GFUS: variants seen among roughly 807,000 people sequenced by gnomAD.
GFUS encodes GDP-L-fucose synthase.
Under a neutral mutation model 41.5 loss-of-function variants are expected in GFUS, and 42 were observed. That is an observed-to-expected ratio of 1.01 (90% CI 0.79 to 1.31). GFUS has a LOEUF of 1.31. Ranked by LOEUF, GFUS falls within the 50% of genes most tolerant of loss-of-function variation. The pLI is 0.00. For missense variants in GFUS, 437 were observed against 428.7 expected, an observed-to-expected ratio of 1.02 and a Z score of -0.17; for synonymous variants, 188 against 173.4, an observed-to-expected ratio of 1.08 and a Z score of -0.66.
chr8:143,615,137 TGAG>T (rs925752803), intron 3 of GFUS, among the ~76,000 whole-genome samples: 1 of 152,004 alleles, frequency 6.6e-6, no homozygotes, highest in Admixed American at 6.5e-5. Flanking sequence ...CCTTCCACTA[TGAG>T]GAGAACCACA....
Position 143,613,790 on chromosome 8 carries a change from G to A in GFUS, c.691C>T (p.Leu231=). The A allele has an allele frequency of 1.3e-6, 2 of 1,550,934 alleles. No homozygotes were observed. The highest frequency in any genetic ancestry group is 1.7e-6 in the Non-Finnish European group (2 of 1,147,010). ...GGCTCCACTTCATTGTACTCCCGCA[G>A]GACCCAGATAAAGAGCTGGGCCAGG... ...LDLAQLFIWV[L]REYNEVEPII... is the part of the protein sequence containing the mutation. Residue 231 remains leucine (L), a synonymous_variant, in exon 8 of 11, where the codon CTG becomes TTG. Transcript: ENST00000425753.
chr8:143,614,843 A>G lies in GFUS; in HGVS notation c.334T>C (p.Cys112Arg). ...TCAGGGAAGATACAGGTGGACAGGC[A>G]GGACACCACCTTGCGGGCGCCCACC... ...FEVGARKVVSCLSTCIFPDKT... is the reference protein window; with the variant it reads ...FEVGARKVVSRLSTCIFPDKT... Residue 112 changes from cysteine to arginine, a missense_variant, in exon 4 of 11, where the codon TGC (cysteine) becomes CGC (arginine). By Grantham distance (180) the Cys-to-Arg change is radical. Transcript: ENST00000425753. The G allele has an allele frequency of 6.2e-7, 1 of 1,613,786 alleles. No individual in the cohort carries two copies. The highest frequency in any genetic ancestry group is 8.5e-7 in the Non-Finnish European group (1 of 1,179,988).
At chr8:143,613,483 G>A (rs1829631913) in intron 9 of GFUS, 41 bp downstream of exon 9, 1 of 1,601,300 alleles carries the variant, frequency 6.2e-7, no homozygotes, top group South Asian at 1.1e-5. Context: ...GCCCGCCCAA[G>A]GGGCCCCCGC....
chr8:143,616,752 G>A (rs374740077), intron 1 of GFUS, 29 bp from the exon 2 acceptor site: 12 of 1,612,798 alleles, frequency 7.4e-6, no homozygotes, highest in African/African-American at 4.0e-5. Context: ...GGAGGCTGAG[G>A]TCATCACGCT....
intron 2 of GFUS, 96 bp from the exon 3 acceptor site, chr8:143,616,316 G>A (rs1465070939): frequency 3.8e-6 from 5 of 1,312,810 alleles, no homozygotes; most frequent in African/African-American, 2.9e-5. Context: ...TGGCAGGAGG[G>A]ACAGTCAAAA....
chr8:143,616,889 TC>T, intron 1 of GFUS, 166 bp from the exon 2 acceptor site: 1 of 785,374 alleles, frequency 1.3e-6, no homozygotes, highest in East Asian at 2.7e-5. Context: ...GCAGCCCTGT[TC>T]CCCTGGGAGC....
Position 143,612,934 on chromosome 8 carries a change from G to T in GFUS, c.942C>A (p.Asp314Glu). The T allele has an allele frequency of 6.2e-7, 1 of 1,610,656 alleles. No homozygotes were observed. Among genetic ancestry groups the T allele is most frequent in the South Asian group, 1.1e-5 (1 of 90,526 alleles). ...AVKETCAWFT[D>E]NYEQARK ...TTCACTTCCGGGCCTGCTCGTAGTT[G>T]TCAGTGAACCAAGCACAGGTCTCCT... is the stretch of plus-strand genomic sequence containing the variant. The change falls in exon 11 of 11, where the codon GAC becomes GAA. Residue 314 changes from aspartate to glutamate, a missense_variant. Asp to Glu is a conservative substitution (Grantham distance 45). Coordinates refer to ENST00000425753, the MANE Select transcript of GFUS (RefSeq NM_003313.4).
At chr8:143,615,595 C>T (rs1363341056) in intron 3 of GFUS, among the ~76,000 whole-genome samples, 5 of 152,200 alleles carry the variant, frequency 3.3e-5, no homozygotes, top group Non-Finnish European at 7.4e-5. Context: ...TGCCCAGTGA[C>T]TGGTGGGGCC....
intron 2 of GFUS, 78 bp from the exon 3 acceptor site, chr8:143,616,298 T>C: frequency 7.2e-7 from 1 of 1,396,744 alleles, no homozygotes; most frequent in South Asian, 1.2e-5. Context: ...AGGAACTGGG[T>C]GGGACTATGG....
intron 2 of GFUS, 90 bp from the exon 3 acceptor site, chr8:143,616,310 AG>A: frequency 7.5e-7 from 1 of 1,329,088 alleles, no homozygotes; most frequent in South Asian, 1.2e-5. Flanking sequence ...GGACTATGGC[AG>A]GAGGGACAGT....
chr8:143,614,075 T>A, intron 7 of GFUS, 89 bp downstream of exon 7: 1 of 1,555,538 alleles, frequency 6.4e-7, no homozygotes, highest in East Asian at 2.3e-5. Context: ...GCCTCCCTCC[T>A]GCACCACCTC....
chr8:143,616,694 A>G lies in GFUS; in HGVS notation c.19T>C (p.Ser7Pro). Reference protein sequence around the residue: MGEPQGSMRILVTGGSG... With the variant: MGEPQGPMRILVTGGSG... Reference sequence around the variant, plus strand: ...CCCCCTGTCACTAGAATCCGCATGGATCCCTGGGGTTCACCCATGTCAGTT... The same window carrying G: ...CCCCCTGTCACTAGAATCCGCATGGGTCCCTGGGGTTCACCCATGTCAGTT... The change falls in exon 2 of 11, where the codon TCC (serine) becomes CCC (proline). Residue 7 changes from serine (S) to proline (P), a missense_variant. Coordinates refer to ENST00000425753, the MANE Select transcript of GFUS (RefSeq NM_003313.4). The G allele has an allele frequency of 6.2e-7, 1 of 1,613,524 alleles. No individual in the cohort carries two copies. The highest frequency in any genetic ancestry group is 8.5e-7 in the Non-Finnish European group (1 of 1,179,966).
At chr8:143,615,934 G>A (rs1172995997) in intron 3 of GFUS, 172 bp downstream of exon 3, 2 of 593,282 alleles carry the variant, frequency 3.4e-6, no homozygotes, top group East Asian at 5.8e-5. Context: ...AGCACCAAGT[G>A]TGAGTGACTG....
At position 143,614,835 on chromosome 8, in the gene GFUS, G is replaced by A. The variant is rs776553358; in HGVS notation, c.342C>T (p.Ser114=). The A allele has an allele frequency of 1.2e-6, 2 of 1,613,674 alleles. No individual in the cohort carries two copies. The highest frequency in any genetic ancestry group is 1.3e-5 in the African/African-American group (1 of 74,928). The part of the protein sequence containing the change: ...VGARKVVSCL[S]TCIFPDKTTY... The stretch of plus-strand genomic sequence containing the variant: ...TCGTCTTGTCAGGGAAGATACAGGT[G>A]GACAGGCAGGACACCACCTTGCGGG... The change falls in exon 4 of 11, where the codon TCC becomes TCT. Residue 114 remains serine (S), a synonymous_variant. Transcript: ENST00000425753.
chr8:143,616,091 GCCAC>G lies in GFUS; in HGVS notation c.261+11_261+14del. On this transcript the variant is annotated intron_variant, in intron 3 of 10. Transcript: ENST00000425753. ...ATCCTGGTTTCCAGTGCTTGCTGGG[GCCAC>G]CCTCACTTACCCAGAAGTCCAAATT... 1 of 1,552,872 alleles carries G rather than the reference GCCAC, an allele frequency of 6.4e-7. No individual in the cohort carries two copies. Among genetic ancestry groups the G allele is most frequent in the Non-Finnish European group, 8.8e-7 (1 of 1,142,706 alleles).
In GFUS at chr8:143,614,920, AG is replaced by A. The variant is rs1829687262; in HGVS notation, c.262-6del. On this transcript the variant is annotated splice_region_variant and splice_polypyrimidine_tract_variant and intron_variant, in intron 3 of 10. Coordinates refer to ENST00000425753, the MANE Select transcript of GFUS (RefSeq NM_003313.4). ...GTTCATGTGCACGTTTTTCCTCTGC[AG>A]GGGTGAGGCGGGGACAGTTCAGGCT... 3.1e-6 allele frequency: 5 copies of A among 1,601,078 alleles called. No individual in the cohort carries two copies. The East Asian group carries it at 8.9e-5, about 29-fold the overall frequency.
In GFUS at chr8:143,612,878, G is replaced by A; in HGVS notation, c.*32C>T. The stretch of plus-strand genomic sequence containing the variant: ...TGGCCGCTGGGCTCTGCCAGCCGAT[G>A]GTCCGCTGGCACCTGATCCTGTCTT... On this transcript the variant is annotated 3_prime_UTR_variant, in exon 11 of 11. Transcript: ENST00000425753. 6.3e-7 allele frequency: 1 copy of A among 1,591,886 alleles called. No homozygotes were observed. The highest frequency in any genetic ancestry group is 1.1e-5 in the South Asian group (1 of 88,058).
At chr8:143,615,019 C>T in intron 3 of GFUS, 104 bp from the exon 4 acceptor site, 1 of 1,496,012 alleles carries the variant, frequency 6.7e-7, no homozygotes, top group East Asian at 2.3e-5. Flanking sequence ...CCCTTCAGCC[C>T]TGGGAGGACC....
rs138619385 is a variant in GFUS, at chr8:143,614,679, G to T, written c.409C>A (p.His137Asn). 3.7e-6 allele frequency: 6 copies of T among 1,611,764 alleles called. No homozygotes were observed. Among genetic ancestry groups the T allele is most frequent in the South Asian group, 3.3e-5 (3 of 91,026 alleles). The change falls in exon 5 of 11, where the codon CAC becomes AAC. Residue 137 changes from histidine (H) to asparagine (N), a missense_variant. By Grantham distance (68) the His-to-Asn change is moderately conservative. Coordinates refer to ENST00000425753, the MANE Select transcript of GFUS (RefSeq NM_003313.4). ...DETMIHNGPP[H>N]NSNFGYSYAK... ...TACGAGTACCCAAAATTGCTGTTGT[G>T]GGGAGGCCCATTGTGGATCTGCGGG...
Sources: gnomAD v4.1 joint callset for allele counts (sites outside exome capture counted in the v4.1 genomes callset) on GRCh38, gnomAD v4.1.1 for gene constraint, MANE v1.5 for transcripts, NCBI Gene and HGNC (gene_info 2026-07-23, HGNC 2026-07-21) for gene names.